The following CERS6 variants were observed in gnomAD, a reference collection of about 807,000 sequenced individuals.
CERS6 encodes the protein ceramide synthase 6.
Under a neutral mutation model 56.8 loss-of-function variants are expected in CERS6, and 26 were observed. The ratio of observed to expected loss-of-function variants is 0.46; its 90% CI spans 0.34 to 0.63. CERS6 has a LOEUF of 0.63. CERS6 is among the 30% of genes least tolerant of loss of function. The pLI, the probability that CERS6 is intolerant of heterozygous loss-of-function variation, is 0.01. For missense variants in CERS6, 415 were observed against 467.5 expected (o/e 0.89, Z 1.04); for synonymous variants, 164 against 173.3 (o/e 0.95, Z 0.42).
chr2:168,520,598 CTTTTTTTTTTTTTTTTTTT>C (rs150724635), intron 1 of CERS6, among the ~76,000 whole-genome samples: 1 of 57,860 alleles, frequency 1.7e-5, no homozygotes, highest in Non-Finnish European at 3.2e-5. Context: ...TTACAATATC[CTTTTTTTTTTTTTTTTTTT>C]TTTTTTTTTT....
At chr2:168,683,765 CAG>C (rs1686276222) in intron 4 of CERS6, among the ~76,000 whole-genome samples, 1 of 152,140 alleles carries the variant, frequency 6.6e-6, no homozygotes, top group South Asian at 2.1e-4. Flanking sequence ...GAGTCCACAT[CAG>C]AGAGGTGGTC....
intron 1 of CERS6, among the ~76,000 whole-genome samples, chr2:168,464,765 G>A (rs2105319708): frequency 6.6e-6 from 1 of 151,000 alleles, no homozygotes; most frequent in South Asian, 2.1e-4. Flanking sequence ...GAGACCCCAT[G>A]TCAAAAAAAC....
At chr2:168,575,040 C>A (rs990354382) in intron 3 of CERS6, among the ~76,000 whole-genome samples, 1 of 152,088 alleles carries the variant, frequency 6.6e-6, no homozygotes, top group African/African-American at 2.4e-5. Context: ...GGGTGAGGTC[C>A]TTGTGGTAGA....
intron 1 of CERS6, among the ~76,000 whole-genome samples, chr2:168,543,819 C>T (rs1462860164): frequency 6.6e-6 from 1 of 152,182 alleles, no homozygotes; most frequent in Non-Finnish European, 1.5e-5. Flanking sequence ...TACGCAAGTG[C>T]TCTTTCAGGC....
At chr2:168,724,431 C>G (rs1310609395) in intron 8 of CERS6, among the ~76,000 whole-genome samples, 2 of 152,110 alleles carry the variant, frequency 1.3e-5, no homozygotes, top group Non-Finnish European at 2.9e-5. Flanking sequence ...ACTGCTGGCT[C>G]GGGCAGCCTG....
chr2:168,458,619 A>C (rs1375593713), intron 1 of CERS6, among the ~76,000 whole-genome samples: 2 of 152,162 alleles, frequency 1.3e-5, no homozygotes, highest in African/African-American at 2.4e-5. Context: ...ATATAAAGTG[A>C]GTTGGTCAGT....
intron 1 of CERS6, among the ~76,000 whole-genome samples, chr2:168,508,243 C>T (rs1165330873): frequency 6.6e-6 from 1 of 152,168 alleles, no homozygotes; most frequent in Non-Finnish European, 1.5e-5. Context: ...CTTTAGGGCA[C>T]CTAGTGTTGC....
chr2:168,469,361 C>G (rs1316474616), intron 1 of CERS6, among the ~76,000 whole-genome samples: 2 of 152,096 alleles, frequency 1.3e-5, no homozygotes, highest in African/African-American at 4.8e-5. Flanking sequence ...TTAGAGACAT[C>G]TTAGGGTGAT....
At chr2:168,509,264 A>G (rs537757612) in intron 1 of CERS6, among the ~76,000 whole-genome samples, 19 of 152,358 alleles carry the variant, frequency 1.2e-4, no homozygotes, top group African/African-American at 4.6e-4. Context: ...TCATAACATG[A>G]CAACAGCAGT....
At chr2:168,622,452 T>A (rs1044045762) in intron 3 of CERS6, among the ~76,000 whole-genome samples, 3 of 134,222 alleles carry the variant, frequency 2.2e-5, no homozygotes, top group African/African-American at 9.4e-5. Context: ...TATTTTCTTG[T>A]TGTGTTTAAA....
intron 8 of CERS6, among the ~76,000 whole-genome samples, chr2:168,750,079 C>T (rs960941637): frequency 2.6e-4 from 39 of 152,172 alleles, no homozygotes; most frequent in Non-Finnish European, 4.9e-4. Flanking sequence ...GGCGAACTGA[C>T]GTGGCACACT....
chr2:168,479,099 A>C (rs143823807), intron 1 of CERS6, among the ~76,000 whole-genome samples: 1 of 152,270 alleles, frequency 6.6e-6, no homozygotes, highest in East Asian at 1.9e-4. Flanking sequence ...CTCTGATTTG[A>C]AGTGCTACCT....
chr2:168,536,638 A>G (rs7596085), intron 1 of CERS6, among the ~76,000 whole-genome samples: 14,444 of 152,224 alleles, frequency 0.095, 1,072 homozygotes, highest in African/African-American at 0.21. Flanking sequence ...CTACCAGGAT[A>G]TGTAATTTTC....
At chr2:168,471,194 C>T (rs760798388) in intron 1 of CERS6, among the ~76,000 whole-genome samples, 1 of 152,206 alleles carries the variant, frequency 6.6e-6, no homozygotes, top group Non-Finnish European at 1.5e-5. Context: ...TTTGCCAGAA[C>T]CTACTCTGTC....
intron 1 of CERS6, among the ~76,000 whole-genome samples, chr2:168,538,422 G>A (rs775516470): frequency 2.0e-5 from 3 of 152,076 alleles, no homozygotes; most frequent in Non-Finnish European, 2.9e-5. Context: ...ATTCTTGGCC[G>A]CTGTTCCTTC....
Position 168,715,087 on chromosome 2 carries a change from G to A in CERS6, c.696G>A (p.Thr232=), listed in dbSNP as rs146657043. 19 of 1,612,540 alleles carry A rather than the reference G, an allele frequency of 1.2e-5. No individual in the cohort carries two copies. The highest frequency in any genetic ancestry group is 6.7e-5 in the African/African-American group (5 of 74,832). Residue 232 remains threonine, a synonymous_variant, in exon 7 of 10, where the codon ACG becomes ACA. Coordinates refer to ENST00000305747, the MANE Select transcript of CERS6 (RefSeq NM_203463.3). The part of the protein sequence containing the change: ...SYVNNMARVG[T]LVLCLHDSAD... ...TCAACAATATGGCCCGAGTAGGAAC[G>A]CTGGTCCTTTGTCTTCATGATTCAG... is the stretch of plus-strand genomic sequence containing the variant.
intron 9 of CERS6, among the ~76,000 whole-genome samples, chr2:168,768,031 T>C (rs980617998): frequency 5.3e-5 from 8 of 152,228 alleles, no homozygotes; most frequent in African/African-American, 1.9e-4. Context: ...AGGTTCAAAC[T>C]ATTTTTATCT....
intron 4 of CERS6, among the ~76,000 whole-genome samples, chr2:168,643,495 A>G (rs1196258201): frequency 2.0e-5 from 3 of 152,180 alleles, no homozygotes; most frequent in African/African-American, 4.8e-5. Flanking sequence ...TGTTTTGTCA[A>G]AGACTAGCAA....
rs144696349 is a variant in CERS6, at chr2:168,468,279, A to T, written c.170+11661A>T. ...GAAGCTGCCTTTCAGTGATATGCAG[A>T]TATCTCCACCTACTTCCCCTGGTCT... On this transcript the variant is annotated intron_variant, in intron 1 of 9. Transcript: ENST00000305747. 1.9e-3 allele frequency among the ~76,000 whole-genome samples: 289 copies of T among 152,226 alleles called. 4 individuals are homozygous for T. The Middle Eastern group carries it at 0.027, about 14-fold the overall frequency.
Sources: allele counts gnomAD v4.1 joint callset (sites outside exome capture counted in the v4.1 genomes callset), GRCh38; gene constraint gnomAD v4.1.1; transcripts MANE v1.5; gene names NCBI Gene and HGNC (gene_info 2026-07-23, HGNC 2026-07-21).